The following CSMD1 variants were observed in gnomAD, a reference collection of about 807,000 sequenced individuals.
CSMD1 encodes the protein CUB and sushi domain-containing protein 1.
Under a neutral mutation model 417.5 loss-of-function variants are expected in CSMD1, and 213 were observed. The observed-to-expected ratio is 0.51, with a 90% CI of 0.46 to 0.57. CSMD1 has a LOEUF of 0.57. Among genes scored for constraint, CSMD1 ranks in the 20% least tolerant of loss-of-function variants. CSMD1 has a pLI of 0.00. For synonymous variants in CSMD1, 2,862 were observed against 1,736.8 expected, an observed-to-expected ratio of 1.65 and a Z score of -16.11; for missense variants, 6,923 against 4,529.7, an observed-to-expected ratio of 1.53 and a Z score of -15.17.
chr8:3,655,573 C>A (rs925060495), intron 7 of CSMD1, among the ~76,000 whole-genome samples: 5 of 152,078 alleles, frequency 3.3e-5, no homozygotes, highest in Non-Finnish European at 4.4e-5. Flanking sequence ...AAGAGAGAAC[C>A]CCCACTGATG....
In CSMD1 at chr8:4,499,321, G is replaced by T. The variant is rs1802133814; in HGVS notation, c.303-79256C>A. 3.3e-5 allele frequency among the ~76,000 whole-genome samples: 5 copies of T among 152,304 alleles called. No homozygotes were observed. The South Asian group carries it at 1.0e-3, about 32-fold the overall frequency. Reference sequence around the variant, plus strand: ...GAAAAACGCTTGGGATTAAGAACCAGGGAGATGCCCATATGGGGAAGTGTG... The same window carrying T: ...GAAAAACGCTTGGGATTAAGAACCATGGAGATGCCCATATGGGGAAGTGTG... On this transcript the variant is annotated intron_variant, in intron 2 of 69. Coordinates refer to ENST00000635120, the MANE Select transcript of CSMD1 (RefSeq NM_033225.6).
chr8:4,467,783 T>C (rs1800271996), intron 2 of CSMD1, among the ~76,000 whole-genome samples: 1 of 152,240 alleles, frequency 6.6e-6, no homozygotes. Context: ...TTGCATTTAC[T>C]ATTTCTTATA....
At chr8:3,211,926 G>A (rs1413362559) in intron 30 of CSMD1, among the ~76,000 whole-genome samples, 1 of 152,206 alleles carries the variant, frequency 6.6e-6, no homozygotes, top group East Asian at 1.9e-4. Context: ...AAGAGGGGGT[G>A]GAGGTGTGGC....
chr8:3,531,099 G>C (rs963962106), intron 10 of CSMD1, among the ~76,000 whole-genome samples: 1 of 151,712 alleles, frequency 6.6e-6, no homozygotes, highest in South Asian at 2.1e-4. Context: ...GACCTCAGGT[G>C]ACCTGCCCAC....
chr8:4,063,249 A>T (rs760115741), intron 3 of CSMD1, among the ~76,000 whole-genome samples: 1 of 151,618 alleles, frequency 6.6e-6, no homozygotes, highest in African/African-American at 2.4e-5. Context: ...CATGTATCCC[A>T]TAAATATGTA....
intron 7 of CSMD1, among the ~76,000 whole-genome samples, chr8:3,638,485 G>A (rs376446592): frequency 1.8e-4 from 28 of 152,106 alleles, no homozygotes; most frequent in African/African-American, 5.5e-4. Context: ...ACCTGGAGAC[G>A]TGATGATAAT....
At chr8:4,058,984 C>T (rs62504560) in intron 3 of CSMD1, among the ~76,000 whole-genome samples, 142,832 of 151,578 alleles carry the variant, frequency 0.94, 67,391 homozygotes, top group East Asian at 0.99. Context: ...ATCAACACAA[C>T]ACAAATTCTT....
chr8:3,452,999 G>A (rs1052435821), intron 12 of CSMD1, among the ~76,000 whole-genome samples: 4 of 152,194 alleles, frequency 2.6e-5, no homozygotes, highest in East Asian at 1.9e-4. Flanking sequence ...TTCAGAGCCT[G>A]TTATTGGTCT....
At chr8:3,536,350 C>T (rs879383206) in intron 10 of CSMD1, among the ~76,000 whole-genome samples, 1 of 152,186 alleles carries the variant, frequency 6.6e-6, no homozygotes, top group Non-Finnish European at 1.5e-5. Flanking sequence ...AATGTTAACA[C>T]TTAAGTGAGG....
At chr8:2,951,809 T>C (rs1802656882) in intron 65 of CSMD1, among the ~76,000 whole-genome samples, 2 of 152,340 alleles carry the variant, frequency 1.3e-5, no homozygotes, top group Non-Finnish European at 2.9e-5. Flanking sequence ...TCAGAGTCTT[T>C]ATTTTGTAAG....
chr8:3,397,130 G>A (rs1811753297), intron 16 of CSMD1, among the ~76,000 whole-genome samples: 1 of 152,116 alleles, frequency 6.6e-6, no homozygotes, highest in Non-Finnish European at 1.5e-5. Flanking sequence ...CAGGCACGGA[G>A]ATAATTTTCT....
intron 3 of CSMD1, among the ~76,000 whole-genome samples, chr8:4,181,419 T>G (rs1352781955): frequency 3.3e-5 from 5 of 152,106 alleles, no homozygotes; most frequent in Non-Finnish European, 7.4e-5. Flanking sequence ...ATCTTTTGGC[T>G]TCCCTGGGCA....
chr8:4,446,003 C>A (rs1006651769), intron 2 of CSMD1, among the ~76,000 whole-genome samples: 2 of 152,112 alleles, frequency 1.3e-5, no homozygotes, highest in African/African-American at 4.8e-5. Flanking sequence ...TCCCTGGCAG[C>A]ACCCTGACTC....
intron 1 of CSMD1, among the ~76,000 whole-genome samples, chr8:4,668,236 C>A (rs1287516657): frequency 6.6e-6 from 1 of 151,770 alleles, no homozygotes; most frequent in Non-Finnish European, 1.5e-5. Flanking sequence ...TGGGGCATTC[C>A]GTTGAAAAGC....
At chr8:4,562,632 C>T (rs1196886357) in intron 2 of CSMD1, among the ~76,000 whole-genome samples, 1 of 152,104 alleles carries the variant, frequency 6.6e-6, no homozygotes, top group Non-Finnish European at 1.5e-5. Flanking sequence ...TAGGACACAT[C>T]AGAAATGTCA....
At chr8:4,920,316 G>T (rs1489523816) in intron 1 of CSMD1, among the ~76,000 whole-genome samples, 1 of 151,426 alleles carries the variant, frequency 6.6e-6, no homozygotes, top group African/African-American at 2.4e-5. Context: ...TCAATTTCTT[G>T]AGTCTACACA....
chr8:4,380,636 A>G (rs891543431), intron 3 of CSMD1, among the ~76,000 whole-genome samples: 3 of 152,184 alleles, frequency 2.0e-5, no homozygotes, highest in African/African-American at 7.2e-5. Flanking sequence ...TGTAGTCATT[A>G]AAGTGTCAAT....
intron 49 of CSMD1, among the ~76,000 whole-genome samples, chr8:3,061,951 C>T (rs914219381): frequency 1.2e-4 from 18 of 152,094 alleles, no homozygotes; most frequent in Admixed American, 3.3e-4. Flanking sequence ...TAGCTGATGA[C>T]GAAGCCTGCC....
chr8:4,726,495 A>G (rs1205404211), intron 1 of CSMD1, among the ~76,000 whole-genome samples: 5 of 152,224 alleles, frequency 3.3e-5, no homozygotes, highest in East Asian at 3.9e-4. Context: ...CGTTTTTCAA[A>G]TAAGACCTCA....
Sources: gnomAD v4.1 joint callset for allele counts (sites outside exome capture counted in the v4.1 genomes callset) on GRCh38, gnomAD v4.1.1 for gene constraint, MANE v1.5 for transcripts, NCBI Gene and HGNC (gene_info 2026-07-23, HGNC 2026-07-21) for gene names.